The following RSPH14 variants were observed in gnomAD, a reference collection of about 807,000 sequenced individuals.
The protein encoded by RSPH14 is radial spoke head 14 homolog.
A neutral mutation model predicts 26.7 loss-of-function variants in RSPH14; 20 were observed. The ratio of observed to expected loss-of-function variants is 0.75; its 90% CI spans 0.53 to 1.09. RSPH14 has a LOEUF of 1.09. RSPH14 is among the 50% of genes least tolerant of loss of function. The probability of loss-of-function intolerance (pLI) is 0.00; values close to 1 mark genes in which losing one functional copy is unlikely to be tolerated. For missense variants in RSPH14, 449 were observed against 457.2 expected, an observed-to-expected ratio of 0.98 and a Z score of 0.16; for synonymous variants, 177 against 189.3, an observed-to-expected ratio of 0.93 and a Z score of 0.53.
At chr22:23,133,402 T>C (rs1359509751) in intron 4 of RSPH14, among the ~76,000 whole-genome samples, 1 of 152,210 alleles carries the variant, frequency 6.6e-6, no homozygotes, top group Non-Finnish European at 1.5e-5. Flanking sequence ...GGGCATCATC[T>C]ATGGTCTTAT....
At chr22:23,091,114 G>C (rs952752571) in intron 4 of RSPH14, among the ~76,000 whole-genome samples, 1 of 152,110 alleles carries the variant, frequency 6.6e-6, no homozygotes, top group Non-Finnish European at 1.5e-5. Context: ...CTGCACACAC[G>C]CACAACCACA....
At chr22:23,178,410 C>T in the RSPH14 span, among the ~76,000 whole-genome samples, 9 of 132,590 alleles carry the variant, frequency 6.8e-5, no homozygotes, top group Middle Eastern at 3.8e-3. Flanking sequence ...TGTGAGACTC[C>T]GTCTCAAAAA....
rs760567770 is a variant in RSPH14, at chr22:23,123,448, C to T, written c.421+10578G>A. ...CTTTGCTGAGGAGCTGGGCCCGGGG[C>T]CCGCCTGCCTATGGTGAAACCCACG... is the stretch of plus-strand genomic sequence containing the variant. On this transcript the variant is annotated intron_variant, in intron 4 of 6. Coordinates refer to ENST00000216036, the MANE Select transcript of RSPH14 (RefSeq NM_014433.3). 44 of 1,551,608 alleles carry T rather than the reference C, an allele frequency of 2.8e-5. 1 individual carries two copies. The highest frequency in any genetic ancestry group is 2.4e-4 in the African/African-American group (18 of 73,584).
the RSPH14 span, among the ~76,000 whole-genome samples, chr22:23,177,031 T>C: frequency 1.3e-5 from 2 of 152,244 alleles, no homozygotes; most frequent in Non-Finnish European, 2.9e-5. Context: ...AGTGCAGGTC[T>C]AGAACCTTTG....
chr22:23,063,552 G>C (rs2068135224), intron 5 of RSPH14, among the ~76,000 whole-genome samples: 1 of 152,204 alleles, frequency 6.6e-6, no homozygotes, highest in Non-Finnish European at 1.5e-5. Context: ...TCGCCTAAAT[G>C]TGAGGTTTGT....
At chr22:23,106,433 C>T (rs756477060) in intron 4 of RSPH14, among the ~76,000 whole-genome samples, 6 of 152,208 alleles carry the variant, frequency 3.9e-5, no homozygotes, top group Non-Finnish European at 8.8e-5. Flanking sequence ...TGTACAGCAC[C>T]GTCTCCATCT....
chr22:23,162,308 A>C, the RSPH14 span: 2 of 280,326 alleles, frequency 7.1e-6, no homozygotes, highest in Non-Finnish European at 1.4e-5. Context: ...TTTCTGGCCC[A>C]CCTGGACAGT....
chr22:23,175,513 G>A, the RSPH14 span, among the ~76,000 whole-genome samples: 1 of 151,478 alleles, frequency 6.6e-6, no homozygotes, highest in Non-Finnish European at 1.5e-5. Flanking sequence ...GTAGAGACAG[G>A]GTTTCACCAT....
chr22:23,144,119 A>AC (rs1390686677), upstream of RSPH14, among the ~76,000 whole-genome samples: 5 of 150,208 alleles, frequency 3.3e-5, no homozygotes, highest in East Asian at 5.9e-4. Context: ...AAAAAAAAAA[A>AC]ACAGCTAAAG....
rs749964288 is a variant in RSPH14, at chr22:23,059,570, C to G, written c.939G>C (p.Val313=). The G allele has an allele frequency of 4.0e-5, 65 of 1,614,094 alleles. No homozygotes were observed. Among genetic ancestry groups the G allele is most frequent in the Non-Finnish European group, 5.4e-5 (64 of 1,180,034 alleles). ...PEGRKALQTH[V]PTFRAMEVET... is the part of the protein sequence containing the mutation. ...CCACCTCCATGGCACGGAAAGTGGGCACGTGCGTCTGCAGGGCCTTGCGGC... is the reference window on the plus strand; with the variant it reads ...CCACCTCCATGGCACGGAAAGTGGGGACGTGCGTCTGCAGGGCCTTGCGGC... Residue 313 remains valine, a synonymous_variant, in exon 7 of 7, where the codon GTG becomes GTC. Coordinates refer to ENST00000216036, the MANE Select transcript of RSPH14 (RefSeq NM_014433.3).
chr22:23,164,626 G>A, the RSPH14 span, among the ~76,000 whole-genome samples: 1 of 152,166 alleles, frequency 6.6e-6, no homozygotes, highest in Admixed American at 6.5e-5. Context: ...TGTTGGTCTG[G>A]TCTTGTGGGC....
intron 4 of RSPH14, among the ~76,000 whole-genome samples, chr22:23,079,659 A>AT (rs2068618408): frequency 6.6e-6 from 1 of 152,206 alleles, no homozygotes; most frequent in African/African-American, 2.4e-5. Flanking sequence ...CACAGGGCAC[A>AT]GGGGGCTGGA....
chr22:23,134,386 C>T (rs866052788), intron 3 of RSPH14, among the ~76,000 whole-genome samples: 55 of 152,106 alleles, frequency 3.6e-4, no homozygotes, highest in African/African-American at 1.3e-3. Context: ...TCCCTTGCCT[C>T]CACATCTATG....
At chr22:23,172,481 G>A in the RSPH14 span, among the ~76,000 whole-genome samples, 2 of 151,286 alleles carry the variant, frequency 1.3e-5, no homozygotes, top group Non-Finnish European at 2.9e-5. Flanking sequence ...TTGGGAGGCC[G>A]AGGCGGGCAG....
the RSPH14 span, among the ~76,000 whole-genome samples, chr22:23,174,767 G>C: frequency 2.0e-5 from 3 of 151,434 alleles, no homozygotes; most frequent in Non-Finnish European, 2.9e-5. Context: ...TTGGGAGTTC[G>C]CAACCAGCCT....
chr22:23,066,538 GAC>G, intron 4 of RSPH14, among the ~76,000 whole-genome samples: 1 of 152,202 alleles, frequency 6.6e-6, no homozygotes, highest in Non-Finnish European at 1.5e-5. Flanking sequence ...TTCATTTTGA[GAC>G]AGAGGGAGAA....
chr22:23,155,344 A>G, the RSPH14 span, among the ~76,000 whole-genome samples: 1 of 152,190 alleles, frequency 6.6e-6, no homozygotes, highest in African/African-American at 2.4e-5. Context: ...GACTGTGCCC[A>G]TGGCAGACAT....
chr22:23,153,267 G>A, the RSPH14 span: 35 of 709,898 alleles, frequency 4.9e-5, no homozygotes, highest in Admixed American at 1.0e-4. Flanking sequence ...GGTGTTGTGT[G>A]ACACTTAGCT....
the RSPH14 span, among the ~76,000 whole-genome samples, chr22:23,169,475 C>G: frequency 1.7e-3 from 263 of 152,360 alleles, no homozygotes; most frequent in Non-Finnish European, 2.4e-3. Flanking sequence ...AAAGCTCACG[C>G]AGGCTTTTAA....
Sources: allele counts gnomAD v4.1 joint callset (sites outside exome capture counted in the v4.1 genomes callset), GRCh38; gene constraint gnomAD v4.1.1; transcripts MANE v1.5; gene names NCBI Gene and HGNC (gene_info 2026-07-23, HGNC 2026-07-21).